ROBO1: variants seen among roughly 807,000 people sequenced by gnomAD.
ROBO1 encodes roundabout guidance receptor 1, also known as roundabout homolog 1.
In ROBO1, 149 loss-of-function variants were observed where a neutral mutation model predicts 195.9. That is an observed-to-expected ratio of 0.76 (90% CI 0.67 to 0.87). The LOEUF (loss-of-function observed/expected upper bound fraction) is 0.87, where lower values mean the gene tolerates loss of function less well. Among genes scored for constraint, ROBO1 ranks in the 40% least tolerant of loss-of-function variants. The pLI, the probability that ROBO1 is intolerant of heterozygous loss-of-function variation, is 0.00. For missense variants in ROBO1, 1,933 were observed against 2,068.3 expected (o/e 0.93, Z 1.27); for synonymous variants, 816 against 733.2 (o/e 1.11, Z -1.82).
At chr3:79,624,459 C>T (rs1036903463) in intron 1 of ROBO1, among the ~76,000 whole-genome samples, 1 of 151,830 alleles carries the variant, frequency 6.6e-6, no homozygotes, top group Non-Finnish European at 1.5e-5. Context: ...ACACACAACT[C>T]ACATGAAAAG....
chr3:78,926,631 A>C lies in ROBO1; in HGVS notation c.499+11970T>G, dbSNP rs115687607. ...AGCTGCAGGTACCACCAGGACCTCC[A>C]AATGGAGCTGAGTATAGAGGTTCAG... On this transcript the variant is annotated intron_variant, in intron 4 of 30. Coordinates refer to ENST00000464233, the MANE Select transcript of ROBO1 (RefSeq NM_002941.4). Among the ~76,000 whole-genome samples, 1,490 of 152,300 alleles carry C rather than the reference A, an allele frequency of 9.8e-3. 10 individuals are homozygous for C. Among genetic ancestry groups the C allele is most frequent in the Non-Finnish European group, 0.016 (1,101 of 68,014 alleles).
intron 3 of ROBO1, among the ~76,000 whole-genome samples, chr3:79,030,599 T>C (rs1208761419): frequency 6.6e-6 from 1 of 152,246 alleles, no homozygotes; most frequent in African/African-American, 2.4e-5. Flanking sequence ...TATAAAATTC[T>C]ATACAAACAT....
intron 2 of ROBO1, among the ~76,000 whole-genome samples, chr3:79,213,025 C>A (rs2081993777): frequency 6.6e-6 from 1 of 151,708 alleles, no homozygotes; most frequent in Non-Finnish European, 1.5e-5. Context: ...GCAGGTGGAT[C>A]ACAAGCTCAG....
chr3:78,991,472 C>T (rs1164668753), intron 3 of ROBO1, among the ~76,000 whole-genome samples: 1 of 152,186 alleles, frequency 6.6e-6, no homozygotes, highest in East Asian at 1.9e-4. Context: ...TTGTCATCCC[C>T]TCCCCAAATG....
intron 2 of ROBO1, among the ~76,000 whole-genome samples, chr3:79,557,682 G>A (rs1481041210): frequency 3.7e-5 from 5 of 135,150 alleles, no homozygotes; most frequent in Non-Finnish European, 7.9e-5. Flanking sequence ...TCGGTGACCC[G>A]AGATCGCGCC....
At chr3:79,726,528 T>A (rs1036202793) in intron 1 of ROBO1, among the ~76,000 whole-genome samples, 1 of 152,210 alleles carries the variant, frequency 6.6e-6, no homozygotes, top group Non-Finnish European at 1.5e-5. Context: ...TATGCCATAA[T>A]CAAGTCCATA....
In ROBO1 at chr3:78,757,016, C is replaced by T. The variant is rs144102579; in HGVS notation, c.500-10116G>A. On this transcript the variant is annotated intron_variant, in intron 4 of 30. Coordinates refer to ENST00000464233, the MANE Select transcript of ROBO1 (RefSeq NM_002941.4). ...AACTGATTCTCCTGCCTCAGCCTCC[C>T]AAGTAGCTGGGATTACAGGCAAGCA... 2.3e-3 allele frequency among the ~76,000 whole-genome samples: 350 copies of T among 152,272 alleles called. 2 individuals are homozygous for T. Among genetic ancestry groups the T allele is most frequent in the African/African-American group, 7.7e-3 (318 of 41,554 alleles).
intron 1 of ROBO1, among the ~76,000 whole-genome samples, chr3:79,602,990 T>C (rs193143294): frequency 5.9e-5 from 9 of 152,148 alleles, no homozygotes; most frequent in Admixed American, 2.0e-4. Flanking sequence ...TTCAAATGTA[T>C]ACACACATAC....
intron 2 of ROBO1, among the ~76,000 whole-genome samples, chr3:79,134,354 G>A (rs1413581504): frequency 8.7e-6 from 1 of 114,642 alleles, no homozygotes; most frequent in African/African-American, 3.5e-5. Flanking sequence ...TCTCACACCA[G>A]TTAGAATGGC....
intron 2 of ROBO1, among the ~76,000 whole-genome samples, chr3:79,375,812 C>T (rs1424756393): frequency 6.6e-6 from 1 of 152,186 alleles, no homozygotes; most frequent in Non-Finnish European, 1.5e-5. Flanking sequence ...AATATACACG[C>T]TACCAGAAAA....
At chr3:78,983,279 G>T (rs763646465) in intron 3 of ROBO1, among the ~76,000 whole-genome samples, 29 of 152,118 alleles carry the variant, frequency 1.9e-4, no homozygotes, top group Non-Finnish European at 2.1e-4. Flanking sequence ...AACAACTAAA[G>T]AACAAGTTTA....
chr3:78,818,416 C>T (rs2030396759), intron 4 of ROBO1, among the ~76,000 whole-genome samples: 1 of 152,292 alleles, frequency 6.6e-6, no homozygotes, highest in African/African-American at 2.4e-5. Context: ...CAGTGACCTC[C>T]GTCAATCCTC....
At chr3:78,875,177 A>T (rs541770291) in intron 4 of ROBO1, among the ~76,000 whole-genome samples, 4 of 152,164 alleles carry the variant, frequency 2.6e-5, no homozygotes, top group African/African-American at 9.6e-5. Flanking sequence ...CAGTCTGTAC[A>T]CAAATGATCT....
chr3:79,611,304 T>C (rs377174550), intron 1 of ROBO1, among the ~76,000 whole-genome samples: 60 of 151,992 alleles, frequency 3.9e-4, no homozygotes, highest in Non-Finnish European at 7.5e-4. Flanking sequence ...TTATACCTCA[T>C]AAAATATAAA....
At chr3:79,738,716 TATA>T (rs1392054437) in intron 1 of ROBO1, among the ~76,000 whole-genome samples, 1 of 152,194 alleles carries the variant, frequency 6.6e-6, no homozygotes, top group East Asian at 1.9e-4. Flanking sequence ...CACCAAGTCT[TATA>T]AGAAAATACT....
Position 78,635,799 on chromosome 3 carries a change from ATGT to A in ROBO1, c.3344_3346del (p.Asn1115del). ...TTTGTTCAGCTTGTTTTGCTCCACG[ATGT>A]TGTACTGAACTGGTGCCACTTCTTG... On this transcript the variant is annotated inframe_deletion, in exon 23 of 31. Transcript: ENST00000464233. 1.9e-6 allele frequency: 3 copies of A among 1,613,762 alleles called. No individual in the cohort carries two copies. The South Asian group carries it at 3.3e-5, about 18-fold the overall frequency.
intron 4 of ROBO1, among the ~76,000 whole-genome samples, chr3:78,849,092 G>A (rs1051530616): frequency 6.6e-6 from 1 of 152,024 alleles, no homozygotes; most frequent in Non-Finnish European, 1.5e-5. Flanking sequence ...AATACAAGAT[G>A]GAATTTCTAT....
At chr3:79,487,023 T>A (rs1299513286) in intron 2 of ROBO1, among the ~76,000 whole-genome samples, 1 of 152,122 alleles carries the variant, frequency 6.6e-6, no homozygotes, top group Non-Finnish European at 1.5e-5. Flanking sequence ...TCCCACAATG[T>A]CCCACCCCTA....
chr3:78,649,905 C>T (rs1706540212), intron 19 of ROBO1, among the ~76,000 whole-genome samples: 1 of 152,096 alleles, frequency 6.6e-6, no homozygotes. Flanking sequence ...AGTTGCATGT[C>T]ACATTTTTAG....
Sources: gnomAD v4.1 joint callset for allele counts (sites outside exome capture counted in the v4.1 genomes callset) on GRCh38, gnomAD v4.1.1 for gene constraint, MANE v1.5 for transcripts, NCBI Gene and HGNC (gene_info 2026-07-23, HGNC 2026-07-21) for gene names.